IFI16: variants seen among roughly 807,000 people sequenced by gnomAD.
IFI16 encodes the protein gamma-interferon-inducible protein 16.
A neutral mutation model predicts 68.4 loss-of-function variants in IFI16; 49 were observed. That is an observed-to-expected ratio of 0.72 (90% CI 0.57 to 0.91). IFI16 has a LOEUF of 0.91. Ranked by LOEUF, IFI16 falls within the 40% of genes least tolerant of loss-of-function variation. The probability of loss-of-function intolerance (pLI) is 0.00; values close to 1 mark genes in which losing one functional copy is unlikely to be tolerated. For synonymous variants in IFI16, 307 were observed against 315.0 expected (o/e 0.97, Z 0.27); for missense variants, 878 against 942.9 (o/e 0.93, Z 0.90).
intron 2 of IFI16, chr1:159,015,661 G>A (rs1652872198): frequency 1.9e-6 from 1 of 523,532 alleles, no homozygotes; most frequent in Admixed American, 3.5e-5. Flanking sequence ...AAAGTGCTGA[G>A]GAGCATGAGT....
chr1:159,039,418 A>T (rs1654494856), intron 7 of IFI16, among the ~76,000 whole-genome samples: 1 of 152,172 alleles, frequency 6.6e-6, no homozygotes, highest in Non-Finnish European at 1.5e-5. Context: ...ATCTCAGCTC[A>T]CTGCAACCTG....
chr1:159,011,634 A>G (rs1166679539), intron 1 of IFI16, among the ~76,000 whole-genome samples: 1 of 136,794 alleles, frequency 7.3e-6, no homozygotes, highest in Non-Finnish European at 1.6e-5. Context: ...ATTCATAACT[A>G]AAACATAATT....
At chr1:159,029,600 G>A (rs12144575) in intron 6 of IFI16, among the ~76,000 whole-genome samples, 42,949 of 151,340 alleles carry the variant, frequency 0.28, 8,190 homozygotes, top group African/African-American at 0.54. Flanking sequence ...CTTTAGATTT[G>A]TCTTCTTCCT....
intron 7 of IFI16, among the ~76,000 whole-genome samples, chr1:159,037,942 A>AC (rs1016275325): frequency 7.2e-5 from 11 of 152,254 alleles, no homozygotes; most frequent in African/African-American, 2.6e-4. Context: ...GTCTGTAAAA[A>AC]CTGTGTTTGT....
At chr1:159,022,350 A>T (rs780988152) in intron 6 of IFI16, among the ~76,000 whole-genome samples, 5 of 152,084 alleles carry the variant, frequency 3.3e-5, no homozygotes, top group Admixed American at 6.5e-5. Context: ...TATCAATTTA[A>T]TTTTTTCAGC....
chr1:159,013,111 T>G (rs1652677552), intron 1 of IFI16, among the ~76,000 whole-genome samples: 1 of 151,558 alleles, frequency 6.6e-6, no homozygotes, highest in Admixed American at 6.6e-5. Context: ...TTTCCCTTCA[T>G]TCTCTGGACC....
At chr1:159,054,188 G>T (rs1655540453) in intron 11 of IFI16, among the ~76,000 whole-genome samples, 1 of 152,148 alleles carries the variant, frequency 6.6e-6, no homozygotes, top group Non-Finnish European at 1.5e-5. Context: ...GAGCAAATCA[G>T]ATCACAAAGG....
intron 5 of IFI16, among the ~76,000 whole-genome samples, chr1:159,019,613 C>T (rs892733189): frequency 6.6e-6 from 1 of 152,106 alleles, no homozygotes; most frequent in African/African-American, 2.4e-5. Flanking sequence ...CGTGTGCCAT[C>T]ACGCCTGGCT....
intron 11 of IFI16, among the ~76,000 whole-genome samples, 166 bp from the exon 12 acceptor site, chr1:159,054,655 G>A (rs1303308656): frequency 6.6e-6 from 1 of 152,108 alleles, no homozygotes; most frequent in Non-Finnish European, 1.5e-5. Context: ...TGACTCAAAG[G>A]TCAAGAATTT....
chr1:159,030,109 T>A (rs769388592), intron 6 of IFI16, among the ~76,000 whole-genome samples: 3 of 152,056 alleles, frequency 2.0e-5, no homozygotes, highest in Non-Finnish European at 4.4e-5. Context: ...TTCCAGTGTG[T>A]TTTGCATTTC....
At chr1:159,026,238 G>A (rs1022595221) in intron 6 of IFI16, among the ~76,000 whole-genome samples, 1 of 151,144 alleles carries the variant, frequency 6.6e-6, no homozygotes, top group East Asian at 1.9e-4. Context: ...GTATTTGGAT[G>A]GGAATTGCAT....
intron 6 of IFI16, among the ~76,000 whole-genome samples, chr1:159,026,338 C>T (rs1182693431): frequency 6.6e-6 from 1 of 151,554 alleles, no homozygotes; most frequent in Admixed American, 6.6e-5. Context: ...GCTCTTGTCC[C>T]CCAGGCCTGG....
chr1:159,020,227 G>A (rs922856498), intron 5 of IFI16, 114 bp from the exon 6 acceptor site: 15 of 710,580 alleles, frequency 2.1e-5, no homozygotes, highest in Non-Finnish European at 2.9e-5. Context: ...GTGCATATCT[G>A]TACTAGGAGT....
chr1:159,053,437 T>A, intron 10 of IFI16, 96 bp from the exon 11 acceptor site: 1 of 829,278 alleles, frequency 1.2e-6, no homozygotes, highest in South Asian at 1.7e-5. Flanking sequence ...GTTTACTCTA[T>A]CAAAGACAAA....
rs1655582844 is a variant in IFI16 at position 159,054,827 on chromosome 1, A to G, written c.2284A>G (p.Lys762Glu). The G allele has an allele frequency of 6.3e-7, 1 of 1,589,402 alleles. No individual in the cohort carries two copies. The highest frequency in any genetic ancestry group is 1.7e-5 in the Admixed American group (1 of 59,380). The change falls in exon 12 of 12, where the codon AAG becomes GAG. Residue 762 changes from lysine to glutamate, a missense_variant. Transcript: ENST00000295809. The stretch of plus-strand genomic sequence containing the variant: ...TATCTCTTTCTCCTTCAAGGTCATC[A>G]AGACCAGGAAAAACAAGAAAGACAT... ...SVIHSHIKVI[K>E]TRKNKKDILN...
At chr1:159,031,634 T>A (rs856052) in intron 6 of IFI16, among the ~76,000 whole-genome samples, 1 of 152,036 alleles carries the variant, frequency 6.6e-6, no homozygotes, top group African/African-American at 2.4e-5. Context: ...TGTATGTTCA[T>A]GGGTGGATGA....
chr1:159,043,750 A>T (rs1214486548), intron 7 of IFI16, among the ~76,000 whole-genome samples: 4 of 152,166 alleles, frequency 2.6e-5, no homozygotes, highest in Non-Finnish European at 5.9e-5. Context: ...AGGAGGATTT[A>T]TTCTGAGGGA....
chr1:159,005,568 A>G (rs1349041669), upstream of IFI16, among the ~76,000 whole-genome samples: 5 of 152,214 alleles, frequency 3.3e-5, no homozygotes, highest in African/African-American at 9.6e-5. Flanking sequence ...TCTGGAGTTT[A>G]TGGCATTAGC....
At chr1:159,047,195 G>A (rs545338384) in intron 8 of IFI16, among the ~76,000 whole-genome samples, 1 of 151,234 alleles carries the variant, frequency 6.6e-6, no homozygotes, top group Non-Finnish European at 1.5e-5. Flanking sequence ...CCCAGGTTGC[G>A]GACCCGAGCA....
Sources: allele counts gnomAD v4.1 joint callset (sites outside exome capture counted in the v4.1 genomes callset), GRCh38; gene constraint gnomAD v4.1.1; transcripts MANE v1.5; gene names NCBI Gene and HGNC (gene_info 2026-07-23, HGNC 2026-07-21).